Variants in PDE10A observed in about 807,000 individuals in gnomAD.
PDE10A encodes the protein cAMP and cAMP-inhibited cGMP 3',5'-cyclic phosphodiesterase 10A.
A neutral mutation model predicts 97.7 loss-of-function variants in PDE10A; 39 were observed. The observed-to-expected ratio is 0.40, with a 90% CI of 0.31 to 0.52. PDE10A has a LOEUF of 0.52. PDE10A is among the 20% of genes least tolerant of loss of function. The pLI is 0.56. For synonymous variants in PDE10A, 371 were observed against 376.8 expected (o/e 0.98, Z 0.18); for missense variants, 731 against 1,047.8 (o/e 0.70, Z 4.17).
chr6:165,379,093 C>T lies in PDE10A; in HGVS notation c.2783+101G>A, dbSNP rs1583157617. 15 of 768,814 alleles carry T rather than the reference C, an allele frequency of 2.0e-5. No homozygotes were observed. In the South Asian group the frequency reaches 2.7e-4, roughly 14 times the overall value. 47.6% of individuals were successfully genotyped at this position (768,814 alleles called of 1,614,324 possible). On this transcript the variant is annotated intron_variant, in intron 18 of 21. Transcript: ENST00000539869. Reference sequence around the variant, plus strand: ...AAAAACATGTAAATTTTTTACATTCCTTCTTTCAAATATAAGCTTACGCCA... The same window carrying T: ...AAAAACATGTAAATTTTTTACATTCTTTCTTTCAAATATAAGCTTACGCCA...
chr6:165,525,425 G>A (rs1165348620), intron 2 of PDE10A, among the ~76,000 whole-genome samples: 1 of 152,110 alleles, frequency 6.6e-6, no homozygotes, highest in African/African-American at 2.4e-5. Context: ...CCTACTATGA[G>A]GAAGATGGAA....
intron 1 of PDE10A, among the ~76,000 whole-genome samples, chr6:165,676,848 T>C (rs1163703510): frequency 6.6e-6 from 1 of 152,210 alleles, no homozygotes; most frequent in Admixed American, 6.5e-5. Context: ...CCTGTCGGCA[T>C]GGACTTGCAA....
At chr6:165,810,015 C>T (rs1032906256) in intron 1 of PDE10A, among the ~76,000 whole-genome samples, 3 of 152,184 alleles carry the variant, frequency 2.0e-5, no homozygotes, top group South Asian at 2.1e-4. Context: ...GCCTTCCTCC[C>T]GGCTCTCAGG....
chr6:165,670,462 C>T (rs1016698929), intron 1 of PDE10A, among the ~76,000 whole-genome samples: 5 of 152,166 alleles, frequency 3.3e-5, no homozygotes, highest in Admixed American at 2.6e-4. Flanking sequence ...AAAGGAACAT[C>T]ATTAACTTGG....
Position 165,418,608 on chromosome 6 carries a change from G to A in PDE10A, c.1796+27C>T, listed in dbSNP as rs753301490. 14 of 1,605,580 alleles carry A rather than the reference G, an allele frequency of 8.7e-6. No homozygotes were observed. In the Admixed American group the frequency reaches 1.8e-4, roughly 21 times the overall value. On this transcript the variant is annotated intron_variant, in intron 11 of 21. Transcript: ENST00000539869. This position sits in a 1 kb window ranked among gnomAD's most constrained non-coding sequence, Gnocchi z 4.8. ...AACGCCTGCACATCTACCGTAAGAG[G>A]ATAGGACATTCTACTTCTAGCTGTA... is the stretch of plus-strand genomic sequence containing the variant.
chr6:165,875,746 T>TTTTTTTTTG (rs780504850), intron 1 of PDE10A, among the ~76,000 whole-genome samples: 14 of 147,074 alleles, frequency 9.5e-5, no homozygotes, highest in South Asian at 8.4e-4. Flanking sequence ...TTTTTTTTTT[T>TTTTTTTTTG]TGTGTGTGTG....
chr6:165,659,789 T>A (rs771724689), intron 1 of PDE10A, among the ~76,000 whole-genome samples: 10 of 152,156 alleles, frequency 6.6e-5, no homozygotes, highest in Non-Finnish European at 1.2e-4. Flanking sequence ...CTCCAGGTAT[T>A]GTGTTCCTAA....
At chr6:165,722,901 CAT>C (rs1554311953) in intron 1 of PDE10A, among the ~76,000 whole-genome samples, 3 of 151,342 alleles carry the variant, frequency 2.0e-5, no homozygotes, top group East Asian at 1.9e-4. Context: ...CACACACACA[CAT>C]ATACATATGT....
intron 1 of PDE10A, among the ~76,000 whole-genome samples, chr6:165,621,875 G>A (rs966651334): frequency 2.6e-5 from 4 of 152,166 alleles, no homozygotes; most frequent in African/African-American, 4.8e-5. Context: ...TCACTGTGAT[G>A]GTTAACTCTA....
chr6:165,804,797 C>T (rs1275093741), intron 1 of PDE10A, among the ~76,000 whole-genome samples: 2 of 150,964 alleles, frequency 1.3e-5, no homozygotes, highest in South Asian at 2.1e-4. Flanking sequence ...GCCCCGGGGC[C>T]GGGCCGCGGG....
chr6:165,965,768 T>G (rs1784492908), intron 1 of PDE10A, among the ~76,000 whole-genome samples: 1 of 152,200 alleles, frequency 6.6e-6, no homozygotes, highest in African/African-American at 2.4e-5. Context: ...ATGTGCTGAC[T>G]TTTCAATACT....
At chr6:165,465,935 G>T (rs1020935166) in intron 3 of PDE10A, among the ~76,000 whole-genome samples, 3 of 150,320 alleles carry the variant, frequency 2.0e-5, no homozygotes, top group Non-Finnish European at 4.5e-5. Context: ...ACAGATGACA[G>T]AAACTGCAGG....
chr6:165,945,484 C>T (rs1162367987), intron 1 of PDE10A, among the ~76,000 whole-genome samples: 1 of 152,210 alleles, frequency 6.6e-6, no homozygotes, highest in Admixed American at 6.5e-5. Flanking sequence ...AAATCCTAAA[C>T]TCCAAGGTGA....
At chr6:165,842,883 C>T (rs1277812069) in intron 1 of PDE10A, among the ~76,000 whole-genome samples, 1 of 152,224 alleles carries the variant, frequency 6.6e-6, no homozygotes, top group African/African-American at 2.4e-5. Flanking sequence ...CTGAGTTAGC[C>T]TCGGACTAAC....
chr6:165,802,139 G>A (rs567783358), intron 1 of PDE10A, among the ~76,000 whole-genome samples: 27 of 152,314 alleles, frequency 1.8e-4, no homozygotes. Context: ...CTTGGGTTGA[G>A]TGTCTTCTCC....
chr6:165,609,626 A>G (rs535991121), intron 1 of PDE10A, among the ~76,000 whole-genome samples: 89 of 152,302 alleles, frequency 5.8e-4, no homozygotes, highest in African/African-American at 1.9e-3. Flanking sequence ...CTCAGCCCAA[A>G]ATCTCCTTAA....
intron 6 of PDE10A, among the ~76,000 whole-genome samples, chr6:165,434,061 T>C (rs1280945088): frequency 6.9e-6 from 1 of 145,918 alleles, no homozygotes; most frequent in African/African-American, 2.6e-5. Context: ...GGAAATTGAA[T>C]GAATTAATAT....
chr6:165,469,973 C>T (rs538254728), intron 3 of PDE10A, among the ~76,000 whole-genome samples: 21 of 152,310 alleles, frequency 1.4e-4, no homozygotes, highest in Admixed American at 3.9e-4. Context: ...TTCCGTTCCA[C>T]CCTTGGGTCC....
At chr6:165,905,651 G>A (rs1782239885) in intron 1 of PDE10A, among the ~76,000 whole-genome samples, 1 of 151,332 alleles carries the variant, frequency 6.6e-6, no homozygotes, top group Admixed American at 6.6e-5. Flanking sequence ...ATTATCTGCA[G>A]TAAGCATATA....
Sources: gnomAD v4.1 joint callset for allele counts (sites outside exome capture counted in the v4.1 genomes callset) on GRCh38, gnomAD v4.1.1 for gene constraint, Gnocchi (gnomAD v3.1) non-coding constraint, MANE v1.5 for transcripts, NCBI Gene and HGNC (gene_info 2026-07-23, HGNC 2026-07-21) for gene names.